Variants in LRP10 observed in about 807,000 individuals in gnomAD.
The protein encoded by LRP10 is LDL receptor related protein 10.
In LRP10, 42 loss-of-function variants were observed where a neutral mutation model predicts 58.5. The observed-to-expected ratio is 0.72, with a 90% confidence interval of 0.56 to 0.93. The LOEUF (loss-of-function observed/expected upper bound fraction) is 0.93, where lower values mean the gene tolerates loss of function less well. Among genes scored for constraint, LRP10 ranks in the 40% least tolerant of loss-of-function variants. The pLI is 0.00. For synonymous variants in LRP10, 377 were observed against 388.5 expected (o/e 0.97, Z 0.35); for missense variants, 872 against 940.1 (o/e 0.93, Z 0.95).
At position 22,872,709 on chromosome 14, in the gene LRP10, G is replaced by A. The variant is rs754048388; in HGVS notation, c.35-29G>A. ...AGAAAACTCCTAAGGAGTGTCTCACGCTCCTGCCCTTTCTCGTTCCTCCTC... is the reference window on the plus strand; with the variant it reads ...AGAAAACTCCTAAGGAGTGTCTCACACTCCTGCCCTTTCTCGTTCCTCCTC... On this transcript the variant is annotated intron_variant, in intron 1 of 6. Coordinates refer to ENST00000359591, the MANE Select transcript of LRP10 (RefSeq NM_014045.5). The A allele has an allele frequency of 3.1e-6, 5 of 1,611,046 alleles. No homozygotes were observed. The African/African-American group carries it at 6.7e-5, about 22-fold the overall frequency.
At chr14:22,872,699 AG>A in intron 1 of LRP10, 38 bp from the exon 2 acceptor site, 2 of 1,606,680 alleles carry the variant, frequency 1.2e-6, no homozygotes, top group Non-Finnish European at 8.5e-7. Flanking sequence ...ACTCCTAAGG[AG>A]TGTCTCACGC....
At position 22,872,348 on chromosome 14, in the gene LRP10, A is replaced by C; in HGVS notation, c.34+11A>C. ...TCCTCCTCCTCCTTGGTAAGAACCG[A>C]AACGATACCAACCCCCAGCCTTCTG... is the stretch of plus-strand genomic sequence containing the variant. On this transcript the variant is annotated intron_variant, in intron 1 of 6. Transcript: ENST00000359591. The C allele has an allele frequency of 6.2e-7, 1 of 1,613,868 alleles. No individual in the cohort carries two copies. The highest frequency in any genetic ancestry group is 8.5e-7 in the Non-Finnish European group (1 of 1,179,890).
At chr14:22,874,078 C>T (rs961267950) in intron 3 of LRP10, among the ~76,000 whole-genome samples, 3 of 152,184 alleles carry the variant, frequency 2.0e-5, no homozygotes, top group Non-Finnish European at 4.4e-5. Flanking sequence ...GCATGTCCTG[C>T]CTGAGATTCA....
chr14:22,872,683 A>T (rs2039968287), intron 1 of LRP10, 55 bp from the exon 2 acceptor site: 1 of 1,582,960 alleles, frequency 6.3e-7, no homozygotes, highest in Non-Finnish European at 8.7e-7. Context: ...TCAGGTGAAG[A>T]AGAAAACTCC....
chr14:22,876,661 G>A (rs1192527128), intron 5 of LRP10, 28 bp from the exon 6 acceptor site: 1 of 1,609,386 alleles, frequency 6.2e-7, no homozygotes, highest in Non-Finnish European at 8.5e-7. Flanking sequence ...AGAACTACCA[G>A]TGACTGAGCA....
At position 22,871,787 on chromosome 14, in the gene LRP10, G is replaced by A. The variant is rs1258480563; in HGVS notation, c.-517G>A. On this transcript the variant is annotated 5_prime_UTR_variant, in exon 1 of 7. Coordinates refer to ENST00000359591, the MANE Select transcript of LRP10 (RefSeq NM_014045.5). ...CCTGGGCGGGCGGGGGTACCGCCTG[G>A]GCAAGGGCCGGGGCGCCGGGCCGAG... 1 of 179,812 alleles carries A rather than the reference G, an allele frequency of 5.6e-6. No homozygotes were observed. Among genetic ancestry groups the A allele is most frequent in the African/African-American group, 2.4e-5 (1 of 41,580 alleles). The allele number at this position is 179,812 out of a possible 1,614,324, so 11.1% of individuals were successfully genotyped here.
At chr14:22,872,680 A>T in intron 1 of LRP10, 58 bp from the exon 2 acceptor site, 1 of 1,569,584 alleles carries the variant, frequency 6.4e-7, no homozygotes, top group Non-Finnish European at 8.8e-7. Flanking sequence ...TGCTCAGGTG[A>T]AGAAGAAAAC....
rs2040023583 is a variant in LRP10 at position 22,877,718 on chromosome 14, TCA to T, written c.*194_*195del. On this transcript the variant is annotated 3_prime_UTR_variant, in exon 7 of 7. Coordinates refer to ENST00000359591, the MANE Select transcript of LRP10 (RefSeq NM_014045.5). This position sits in a 1 kb window ranked among gnomAD's most constrained non-coding sequence, Gnocchi z 5.1. ...AGTGTCCCTCAGGCAGGGAGAGGGC[TCA>T]CAGAGTCTCCTCTGTACGTGGCCAT... is the stretch of plus-strand genomic sequence containing the variant. 1.8e-6 allele frequency: 1 copy of T among 542,798 alleles called. No individual in the cohort carries two copies. Among genetic ancestry groups the T allele is most frequent in the African/African-American group, 1.9e-5 (1 of 52,414 alleles). 33.6% of individuals were successfully genotyped at this position (542,798 alleles called of 1,614,324 possible). A position where few individuals can be genotyped will look rare whatever the true frequency, so the allele number is the denominator to read the frequency against.
rs746958878 is a variant in LRP10 at position 22,877,378 on chromosome 14, A to G, written c.1993A>G (p.Ser665Gly). 6.2e-7 allele frequency: 1 copy of G among 1,613,718 alleles called. No homozygotes were observed. The highest frequency in any genetic ancestry group is 1.1e-5 in the South Asian group (1 of 91,046). ...GGCCCTGCGAGGCCGCCTGTTGCCC[A>G]GCCTGGGGCCCCCAGGACCAACCCG... Reference protein sequence around the residue: ...VQALRGRLLPSLGPPGPTRSP... With the variant: ...VQALRGRLLPGLGPPGPTRSP... The change falls in exon 7 of 7, where the codon AGC (serine) becomes GGC (glycine). Residue 665 changes from serine to glycine, a missense_variant. Ser to Gly is a moderately conservative substitution (Grantham distance 56). Coordinates refer to ENST00000359591, the MANE Select transcript of LRP10 (RefSeq NM_014045.5). This position sits in a 1 kb window ranked among gnomAD's most constrained non-coding sequence, Gnocchi z 5.1.
chr14:22,875,867 T>C lies in LRP10; in HGVS notation c.919T>C (p.Tyr307His), dbSNP rs139650807. The stretch of plus-strand genomic sequence containing the variant: ...CAATGCCACCTACCATGTGCGGGGC[T>C]ATTGCTTGCCTTGGGACAGACCCTG... ...GFNATYHVRGYCLPWDRPCGL... is the reference protein window; with the variant it reads ...GFNATYHVRGHCLPWDRPCGL... Residue 307 changes from tyrosine to histidine, a missense_variant, in exon 5 of 7, where the codon TAT becomes CAT. Tyr to His is a moderately conservative substitution (Grantham distance 83). Transcript: ENST00000359591. 6.2e-7 allele frequency: 1 copy of C among 1,613,782 alleles called. No individual in the cohort carries two copies. The highest frequency in any genetic ancestry group is 8.5e-7 in the Non-Finnish European group (1 of 1,179,756).
rs552369665 is a variant in LRP10 at position 22,880,509 on chromosome 14, A to C, written c.*2982A>C. On this transcript the variant is annotated 3_prime_UTR_variant, in exon 7 of 7. Transcript: ENST00000359591. ...CGGATCGCTTGAGGCCAAGAGTTCAAGAACAGCCTGGGCAACATGATGAAA... is the reference window on the plus strand; with the variant it reads ...CGGATCGCTTGAGGCCAAGAGTTCACGAACAGCCTGGGCAACATGATGAAA... 3.3e-5 allele frequency: 5 copies of C among 152,078 alleles called. No individual in the cohort carries two copies. The highest frequency in any genetic ancestry group is 9.6e-5 in the African/African-American group (4 of 41,456). The allele number at this position is 152,078 out of a possible 1,614,324, so 9.4% of individuals were successfully genotyped here. A position where few individuals can be genotyped will look rare whatever the true frequency, so the allele number is the denominator to read the frequency against.
chr14:22,877,145 C>A lies in LRP10; in HGVS notation c.1760C>A (p.Ala587Asp). ...AGATCCCAGGTCACACCTTCTGCTG[C>A]TCCCCTTGAGGCCCTAGATGGTGGC... ...EARSQVTPSA[A>D]PLEALDGGTG... Residue 587 changes from alanine (A) to aspartate (D), a missense_variant, in exon 7 of 7, where the codon GCT (alanine) becomes GAT (aspartate). Ala to Asp is a moderately radical substitution (Grantham distance 126, BLOSUM62 -2). Transcript: ENST00000359591. The surrounding 1 kb of genome is among the most constrained non-coding windows in gnomAD (Gnocchi z 5.1). The A allele has an allele frequency of 6.2e-7, 1 of 1,609,142 alleles. No homozygotes were observed. Among genetic ancestry groups the A allele is most frequent in the Non-Finnish European group, 8.5e-7 (1 of 1,177,532 alleles).
intron 3 of LRP10, 40 bp downstream of exon 3, chr14:22,873,486 C>A: frequency 6.3e-7 from 1 of 1,599,436 alleles, no homozygotes. Context: ...TTCTTCTCCC[C>A]TGCCCCTTCC....
Position 22,877,568 on chromosome 14 carries a change from T to G in LRP10, c.*41T>G, listed in dbSNP as rs1315693814. On this transcript the variant is annotated 3_prime_UTR_variant, in exon 7 of 7. Coordinates refer to ENST00000359591, the MANE Select transcript of LRP10 (RefSeq NM_014045.5). The surrounding 1 kb of genome is among the most constrained non-coding windows in gnomAD (Gnocchi z 5.1). The stretch of plus-strand genomic sequence containing the variant: ...CTACTGAGGCCTCTCCCCTGGGGGC[T>G]CTACTCATAGTGGCACAACCTTTTA... 6.9e-7 allele frequency: 1 copy of G among 1,440,236 alleles called. No individual in the cohort carries two copies. Among genetic ancestry groups the G allele is most frequent in the East Asian group, 2.4e-5 (1 of 41,140 alleles). The allele number at this position is 1,440,236 out of a possible 1,614,324, so 89.2% of individuals were successfully genotyped here.
In LRP10 at chr14:22,879,005, C is replaced by T. The variant is rs1459959510; in HGVS notation, c.*1478C>T. The T allele has an allele frequency of 6.3e-6, 2 of 317,794 alleles. No individual in the cohort carries two copies. The highest frequency in any genetic ancestry group is 3.7e-5 in the Admixed American group (1 of 27,326). The allele number at this position is 317,794 out of a possible 1,614,324, so 19.7% of individuals were successfully genotyped here. A position where few individuals can be genotyped will look rare whatever the true frequency, so the allele number is the denominator to read the frequency against. On this transcript the variant is annotated 3_prime_UTR_variant, in exon 7 of 7. Coordinates refer to ENST00000359591, the MANE Select transcript of LRP10 (RefSeq NM_014045.5). ...AGGAATTCCCTAACGGACCCAGTCC[C>T]TGGGGAAAGAGGCTCCCCTCAGGCT... is the stretch of plus-strand genomic sequence containing the variant.
intron 2 of LRP10, 120 bp from the exon 3 acceptor site, chr14:22,873,191 G>C: frequency 1.6e-6 from 2 of 1,248,126 alleles, no homozygotes; most frequent in Non-Finnish European, 2.2e-6. Flanking sequence ...GGCAGGGGCA[G>C]ATACTCTGCT....
chr14:22,881,691 ATAAAAGTAAGTAAAAAG>A (rs1233517411), exon 7 of LRP10: 1 of 152,212 alleles, frequency 6.6e-6, no homozygotes, highest in African/African-American at 2.4e-5. Context: ...AAAATTGTGA[ATAAAAGTAAGTAAAAAG>A]TAAAAGTAAG....
At position 22,872,024 on chromosome 14, in the gene LRP10, C is replaced by T. The variant is rs2039958852; in HGVS notation, c.-280C>T. 3 of 563,494 alleles carry T rather than the reference C, an allele frequency of 5.3e-6. No individual in the cohort carries two copies. Among genetic ancestry groups the T allele is most frequent in the Admixed American group, 3.1e-5 (1 of 31,816 alleles). The allele number at this position is 563,494 out of a possible 1,614,324, so 34.9% of individuals were successfully genotyped here. On this transcript the variant is annotated 5_prime_UTR_variant, in exon 1 of 7. Transcript: ENST00000359591. ...CTGTAGGCGAGGGCGCGCCCCAGTG[C>T]CGAGACCCGGGGCTTCAGGAGCCGG...
In LRP10 at chr14:22,877,054, G is replaced by T; in HGVS notation, c.1669G>T (p.Val557Leu). The T allele has an allele frequency of 6.2e-7, 1 of 1,613,768 alleles. No individual in the cohort carries two copies. Among genetic ancestry groups the T allele is most frequent in the Non-Finnish European group, 8.5e-7 (1 of 1,179,878 alleles). Residue 557 changes from valine to leucine, a missense_variant, in exon 7 of 7, where the codon GTA (valine) becomes TTA (leucine). Transcript: ENST00000359591. This position sits in a 1 kb window ranked among gnomAD's most constrained non-coding sequence, Gnocchi z 5.1. ...RQRGRLMRRLVRRLRRWGLLP... is the reference protein window; with the variant it reads ...RQRGRLMRRLLRRLRRWGLLP... Reference sequence around the variant, plus strand: ...GCGGGGCCGCTTGATGCGACGCCTGGTACGCCGTCTCCGCCGCTGGGGCTT... The same window carrying T: ...GCGGGGCCGCTTGATGCGACGCCTGTTACGCCGTCTCCGCCGCTGGGGCTT...
Sources: gnomAD v4.1 joint callset for allele counts (sites outside exome capture counted in the v4.1 genomes callset) on GRCh38, gnomAD v4.1.1 for gene constraint, Gnocchi (gnomAD v3.1) non-coding constraint, MANE v1.5 for transcripts, NCBI Gene and HGNC (gene_info 2026-07-23, HGNC 2026-07-21) for gene names.